The following TCEA1 variants were observed in gnomAD, a reference collection of about 807,000 sequenced individuals.
The protein encoded by TCEA1 is transcription elongation factor A1, also known as transcription elongation factor A protein 1.
A neutral mutation model predicts 43.8 loss-of-function variants in TCEA1; 21 were observed. The observed-to-expected ratio is 0.48, with a 90% confidence interval of 0.34 to 0.69. The LOEUF is 0.69. Among genes scored for constraint, TCEA1 ranks in the 30% least tolerant of loss-of-function variants. The pLI, the probability that TCEA1 is intolerant of heterozygous loss-of-function variation, is 0.01. For synonymous variants in TCEA1, 104 were observed against 117.5 expected, an observed-to-expected ratio of 0.88 and a Z score of 0.75; for missense variants, 250 against 365.1, an observed-to-expected ratio of 0.68 and a Z score of 2.57.
At chr8:54,004,335 C>T (rs1469274963) in intron 2 of TCEA1, among the ~76,000 whole-genome samples, 4 of 152,196 alleles carry the variant, frequency 2.6e-5, no homozygotes, top group Non-Finnish European at 4.4e-5. Flanking sequence ...TGTATATAAA[C>T]ACGCATAGCA....
At chr8:53,985,670 G>C (rs1186544855) in intron 6 of TCEA1, among the ~76,000 whole-genome samples, 1 of 152,030 alleles carries the variant, frequency 6.6e-6, no homozygotes, top group Non-Finnish European at 1.5e-5. Context: ...TCCTCAACCA[G>C]GACAATCTCA....
chr8:54,012,179 G>A (rs1026075409), intron 1 of TCEA1, among the ~76,000 whole-genome samples: 3 of 152,128 alleles, frequency 2.0e-5, no homozygotes, highest in Non-Finnish European at 2.9e-5. Context: ...TTTCTCATAG[G>A]TAAACTCATT....
intron 8 of TCEA1, chr8:53,973,640 C>G (rs545138946): frequency 1.8e-5 from 10 of 566,674 alleles, no homozygotes; most frequent in Admixed American, 1.6e-4. Context: ...TTGTGGAGCA[C>G]CAGAACCTGA....
chr8:54,004,898 T>C (rs1055497701), intron 2 of TCEA1, among the ~76,000 whole-genome samples: 3 of 152,196 alleles, frequency 2.0e-5, no homozygotes, highest in South Asian at 2.1e-4. Context: ...ATCTAGCACA[T>C]AGCAGACACT....
intron 3 of TCEA1, among the ~76,000 whole-genome samples, chr8:53,997,187 C>T (rs1023218533): frequency 6.6e-6 from 1 of 151,952 alleles, no homozygotes; most frequent in East Asian, 1.9e-4. Flanking sequence ...AGATTACAGG[C>T]GTGAGCCACC....
chr8:53,989,690 T>C (rs889283156), intron 4 of TCEA1, among the ~76,000 whole-genome samples: 1 of 152,232 alleles, frequency 6.6e-6, no homozygotes, highest in African/African-American at 2.4e-5. Flanking sequence ...TTTCATTATG[T>C]AGCATAATGC....
At chr8:54,015,048 C>T (rs1442838821) in intron 1 of TCEA1, among the ~76,000 whole-genome samples, 3 of 152,104 alleles carry the variant, frequency 2.0e-5, no homozygotes, top group African/African-American at 7.2e-5. Context: ...TCTCCAGGGG[C>T]CATAAGCCAG....
intron 1 of TCEA1, among the ~76,000 whole-genome samples, chr8:54,016,758 G>A (rs1804840789): frequency 6.6e-6 from 1 of 152,018 alleles, no homozygotes; most frequent in Non-Finnish European, 1.5e-5. Context: ...GGCGGATTAT[G>A]AGGTCAGGAG....
intron 9 of TCEA1, 161 bp downstream of exon 9, chr8:53,970,231 A>G: frequency 2.9e-6 from 2 of 690,446 alleles, no homozygotes; most frequent in Non-Finnish European, 5.3e-6. Flanking sequence ...GTAGGGTAAC[A>G]AGATGGTATA....
At chr8:54,022,025 C>A in intron 1 of TCEA1, 38 bp downstream of exon 1, 4 of 1,555,352 alleles carry the variant, frequency 2.6e-6, no homozygotes, top group Non-Finnish European at 3.5e-6. Flanking sequence ...GACCGCGGCC[C>A]GGCCTCCCTC....
intron 4 of TCEA1, chr8:53,993,342 G>C (rs769469535): frequency 1.2e-4 from 20 of 172,618 alleles, no homozygotes; most frequent in Admixed American, 2.5e-4. Flanking sequence ...AAAAAAATGT[G>C]GTAAATAGAG....
In TCEA1 at chr8:54,010,454, A is replaced by C. The variant is rs1273767520; in HGVS notation, c.102T>G (p.Ile34Met). The change falls in exon 2 of 10, where the codon ATT becomes ATG. Residue 34 changes from isoleucine to methionine, a missense_variant. Physicochemically the swap from Ile to Met is conservative, Grantham distance 10 (BLOSUM62 1). Coordinates refer to ENST00000521604, the MANE Select transcript of TCEA1 (RefSeq NM_006756.4). ...ALDLLKELKNIPMTLELLQST... is the reference protein window; with the variant it reads ...ALDLLKELKNMPMTLELLQST... The stretch of plus-strand genomic sequence containing the variant: ...CCTGCAGTAATTCCAGGGTCATAGG[A>C]ATATTCTTAAGCTCCTTTAGCAAAT... The C allele has an allele frequency of 6.2e-7, 1 of 1,606,620 alleles. No individual in the cohort carries two copies.
intron 1 of TCEA1, among the ~76,000 whole-genome samples, chr8:54,013,051 G>A (rs1187488797): frequency 2.0e-5 from 3 of 148,896 alleles, no homozygotes; most frequent in African/African-American, 7.4e-5. Context: ...CAGGATTTCT[G>A]ATCCACTTCT....
intron 8 of TCEA1, chr8:53,973,457 G>A (rs920551458): frequency 7.9e-6 from 4 of 506,816 alleles, no homozygotes; most frequent in South Asian, 6.9e-5. Context: ...TGAATGACCA[G>A]TACTTTGCTA....
At position 54,006,054 on chromosome 8, in the gene TCEA1, C is replaced by G. The variant is rs115750480; in HGVS notation, c.126+4376G>C. Among the ~76,000 whole-genome samples, 620 of 152,286 alleles carry G rather than the reference C, an allele frequency of 4.1e-3. 4 individuals are homozygous for G. Among genetic ancestry groups the G allele is most frequent in the African/African-American group, 0.014 (591 of 41,556 alleles). Reference sequence around the variant, plus strand: ...TCTATCTGCTGAGGGAGAACCTAGTCATCTTCTGAGATGTAGTTTCAGCTT... The same window carrying G: ...TCTATCTGCTGAGGGAGAACCTAGTGATCTTCTGAGATGTAGTTTCAGCTT... On this transcript the variant is annotated intron_variant, in intron 2 of 9. Coordinates refer to ENST00000521604, the MANE Select transcript of TCEA1 (RefSeq NM_006756.4).
chr8:53,997,025 G>A (rs1490247738), intron 3 of TCEA1, among the ~76,000 whole-genome samples: 4 of 150,630 alleles, frequency 2.7e-5, no homozygotes, highest in Non-Finnish European at 4.4e-5. Flanking sequence ...TCAGCCTCTC[G>A]AGTAGCAGTA....
At chr8:54,019,489 G>A (rs1048628290) in intron 1 of TCEA1, among the ~76,000 whole-genome samples, 10 of 151,068 alleles carry the variant, frequency 6.6e-5, no homozygotes, top group African/African-American at 2.4e-4. Flanking sequence ...AGAATCGCTT[G>A]AACTGGGGAG....
chr8:54,006,553 T>A (rs1353614701), intron 2 of TCEA1, among the ~76,000 whole-genome samples: 2 of 152,088 alleles, frequency 1.3e-5, no homozygotes, highest in Non-Finnish European at 2.9e-5. Context: ...CAGGAAAAAA[T>A]TAGAGATGCT....
Position 54,010,245 on chromosome 8 carries a change from G to C in TCEA1, c.126+185C>G. The stretch of plus-strand genomic sequence containing the variant: ...AGGTTTTATTCTCCTTAAGAAAGGC[G>C]ACATTGCTCTATAATGGCAACTTAG... On this transcript the variant is annotated intron_variant, in intron 2 of 9. Transcript: ENST00000521604. 4 of 519,728 alleles carry C rather than the reference G, an allele frequency of 7.7e-6. No individual in the cohort carries two copies. In the South Asian group the frequency reaches 9.8e-5, roughly 13 times the overall value. The allele number at this position is 519,728 out of a possible 1,614,324, so 32.2% of individuals were successfully genotyped here.
Sources: gnomAD v4.1 joint callset for allele counts (sites outside exome capture counted in the v4.1 genomes callset) on GRCh38, gnomAD v4.1.1 for gene constraint, MANE v1.5 for transcripts, NCBI Gene and HGNC (gene_info 2026-07-23, HGNC 2026-07-21) for gene names.